Variants in CNGB1 observed in about 807,000 individuals in gnomAD.
CNGB1 encodes the protein cyclic nucleotide-gated channel beta-1.
In CNGB1, 126 loss-of-function variants were observed where a neutral mutation model predicts 151.7. The ratio of observed to expected loss-of-function variants is 0.83; its 90% CI spans 0.72 to 0.96. CNGB1 has a LOEUF of 0.96. Ranked by LOEUF, CNGB1 falls within the 40% of genes least tolerant of loss-of-function variation. The pLI is 0.00. For synonymous variants in CNGB1, 623 were observed against 635.1 expected (o/e 0.98, Z 0.29); for missense variants, 1,698 against 1,627.0 (o/e 1.04, Z -0.75).
chr16:57,913,062 G>T, intron 23 of CNGB1, 68 bp from the exon 24 acceptor site: 1 of 1,504,818 alleles, frequency 6.6e-7, no homozygotes, highest in South Asian at 1.1e-5. Context: ...CACGCCCACG[G>T]GCGCCGAGAC....
chr16:57,965,528 T>C (rs1459682948), intron 2 of CNGB1, among the ~76,000 whole-genome samples: 5 of 152,126 alleles, frequency 3.3e-5, no homozygotes, highest in African/African-American at 7.2e-5. Flanking sequence ...TATTTGCACA[T>C]ACACAGAAGC....
chr16:57,891,307 CT>C (rs1960083183), intron 31 of CNGB1, among the ~76,000 whole-genome samples: 1 of 152,120 alleles, frequency 6.6e-6, no homozygotes, highest in African/African-American at 2.4e-5. Flanking sequence ...AAATACAAGG[CT>C]AGATTCCTAC....
chr16:57,946,489 C>G (rs1470280679), intron 14 of CNGB1: 2 of 152,250 alleles, frequency 1.3e-5, no homozygotes, highest in Non-Finnish European at 2.9e-5. Flanking sequence ...AGTGGGAGCC[C>G]AGCTCCCGAG....
At chr16:57,888,370 TTC>T (rs1415453935) in intron 31 of CNGB1, among the ~76,000 whole-genome samples, 1 of 152,130 alleles carries the variant, frequency 6.6e-6, no homozygotes, top group East Asian at 1.9e-4. Context: ...TACGAAATTC[TTC>T]TCTTTCCTTC....
intron 31 of CNGB1, among the ~76,000 whole-genome samples, chr16:57,895,760 A>C (rs1292396021): frequency 6.6e-6 from 1 of 152,044 alleles, no homozygotes; most frequent in Non-Finnish European, 1.5e-5. Flanking sequence ...AGGGAAGTAC[A>C]AGATGAACCA....
intron 10 of CNGB1, 78 bp from the exon 11 acceptor site, chr16:57,958,563 A>G (rs1242520236): frequency 7.5e-7 from 1 of 1,330,702 alleles, no homozygotes; most frequent in Non-Finnish European, 1.1e-6. Flanking sequence ...GCTCGTTCCC[A>G]AGGCAGAAAA....
In CNGB1 at chr16:57,886,177, T is replaced by C. The variant is rs927327079; in HGVS notation, c.3462+1678A>G. On this transcript the variant is annotated intron_variant, in intron 32 of 32. Coordinates refer to ENST00000251102, the MANE Select transcript of CNGB1 (RefSeq NM_001297.5). The stretch of plus-strand genomic sequence containing the variant: ...GACAGAGCTGGGATTTGGATTTGTG[T>C]CTCTGAATGTCTAGTTAAGAGCTCC... Among the ~76,000 whole-genome samples the C allele has an allele frequency of 2.6e-5, 4 of 152,180 alleles. No individual in the cohort carries two copies. The East Asian group carries it at 5.8e-4, about 22-fold the overall frequency.
chr16:57,959,583 C>G (rs1287111231), intron 10 of CNGB1, among the ~76,000 whole-genome samples: 1 of 149,334 alleles, frequency 6.7e-6, no homozygotes, highest in East Asian at 2.0e-4. Context: ...GCCTAGGAGA[C>G]AGAGCGAGAC....
At chr16:57,896,238 C>T (rs754436891) in intron 31 of CNGB1, among the ~76,000 whole-genome samples, 3 of 152,118 alleles carry the variant, frequency 2.0e-5, no homozygotes, top group Non-Finnish European at 4.4e-5. Context: ...AATACAGAAA[C>T]CTTAACCAAG....
At chr16:57,938,698 G>A (rs1318548463) in intron 16 of CNGB1, among the ~76,000 whole-genome samples, 1 of 152,130 alleles carries the variant, frequency 6.6e-6, no homozygotes. Context: ...TCTGTAAAAT[G>A]GTCTGTCTGC....
chr16:57,968,038 A>G (rs1962444364), intron 1 of CNGB1, among the ~76,000 whole-genome samples: 1 of 152,214 alleles, frequency 6.6e-6, no homozygotes, highest in African/African-American at 2.4e-5. Context: ...CATTAAAAAG[A>G]AAGAAGCAGT....
At chr16:57,906,838 G>T (rs754818544) in intron 25 of CNGB1, among the ~76,000 whole-genome samples, 17 of 152,140 alleles carry the variant, frequency 1.1e-4, no homozygotes, top group Non-Finnish European at 1.6e-4. Context: ...GGGCCTCCCT[G>T]AAGTCTCCTT....
chr16:57,950,654 C>A, intron 12 of CNGB1, 114 bp from the exon 13 acceptor site: 1 of 1,089,268 alleles, frequency 9.2e-7, no homozygotes, highest in Non-Finnish European at 1.4e-6. Context: ...TGCCTCAGTG[C>A]TTAGTCATGC....
In CNGB1 at chr16:57,907,801, G is replaced by T. The variant is rs569072932; in HGVS notation, c.2493-2926C>A. 2.0e-5 allele frequency among the ~76,000 whole-genome samples: 3 copies of T among 152,288 alleles called. No individual in the cohort carries two copies. In the East Asian group the frequency reaches 5.8e-4, roughly 29 times the overall value. ...TGGGTAAAAGGGCCACTGGTGACGT[G>T]GGGAAGCATTAGATCTTGACCCCAT... On this transcript the variant is annotated intron_variant, in intron 25 of 32. Transcript: ENST00000251102.
intron 8 of CNGB1, 54 bp from the exon 9 acceptor site, chr16:57,960,584 C>T: frequency 2.5e-6 from 4 of 1,586,440 alleles, no homozygotes; most frequent in East Asian, 2.3e-5. Flanking sequence ...CTGTGCGCTT[C>T]CCCAACCGCC....
At position 57,917,539 on chromosome 16, in the gene CNGB1, T is replaced by A. The variant is rs1960905601; in HGVS notation, c.1958-63A>T. 27 of 1,541,386 alleles carry A rather than the reference T, an allele frequency of 1.8e-5. 1 individual carries two copies. In the South Asian group the frequency reaches 2.8e-4, roughly 16 times the overall value. ...CAGGCAAGGCTCTTCACCAGTTGGA[T>A]CAGGTAGGGTTTTGTTCTTTCTACT... On this transcript the variant is annotated intron_variant, in intron 20 of 32. Transcript: ENST00000251102.
At chr16:57,910,669 C>T (rs1252202229) in intron 25 of CNGB1, among the ~76,000 whole-genome samples, 6 of 132,964 alleles carry the variant, frequency 4.5e-5, no homozygotes, top group Non-Finnish European at 7.9e-5. Flanking sequence ...CCACCAAGCC[C>T]GGCCTTTTTT....
chr16:57,959,826 A>C (rs757808205), intron 10 of CNGB1, 62 bp downstream of exon 10: 4 of 1,421,086 alleles, frequency 2.8e-6, no homozygotes, highest in Admixed American at 6.0e-5. Flanking sequence ...GTTGGGTGTT[A>C]GGCGGGGACA....
chr16:57,918,698 G>A (rs1960946873), intron 20 of CNGB1, among the ~76,000 whole-genome samples: 1 of 151,992 alleles, frequency 6.6e-6, no homozygotes, highest in Non-Finnish European at 1.5e-5. Context: ...CCTATTCCAG[G>A]GACTTTTGTT....
Sources: gnomAD v4.1 joint callset for allele counts (sites outside exome capture counted in the v4.1 genomes callset) on GRCh38, gnomAD v4.1.1 for gene constraint, MANE v1.5 for transcripts, NCBI Gene and HGNC (gene_info 2026-07-23, HGNC 2026-07-21) for gene names.